Variants in RANBP17 observed in about 807,000 individuals in gnomAD.
RANBP17 encodes the protein RAN binding protein 17.
Under a neutral mutation model 141.2 loss-of-function variants are expected in RANBP17, and 158 were observed. That is an observed-to-expected ratio of 1.12 (90% CI 0.98 to 1.28). The LOEUF (loss-of-function observed/expected upper bound fraction) is 1.28, where lower values mean the gene tolerates loss of function less well. Ranked by LOEUF, RANBP17 falls within the 50% of genes most tolerant of loss-of-function variation. The pLI, the probability that RANBP17 is intolerant of heterozygous loss-of-function variation, is 0.00. For synonymous variants in RANBP17, 430 were observed against 450.0 expected (o/e 0.96, Z 0.56); for missense variants, 1,438 against 1,290.7 (o/e 1.11, Z -1.75).
chr5:171,095,429 A>G (rs993374600), intron 14 of RANBP17, among the ~76,000 whole-genome samples: 7 of 152,110 alleles, frequency 4.6e-5, no homozygotes, highest in East Asian at 1.9e-4. Context: ...AGTCTTTTCT[A>G]TTTTATTATC....
intron 5 of RANBP17, 60 bp from the exon 6 acceptor site, chr5:170,909,599 AGT>A: frequency 5.6e-6 from 1 of 178,514 alleles, no homozygotes; most frequent in South Asian, 1.9e-4. Flanking sequence ...TTTTTTTTTT[AGT>A]AAATTTTGGT....
chr5:170,922,373 A>G (rs1772537035), intron 11 of RANBP17, among the ~76,000 whole-genome samples: 2 of 152,192 alleles, frequency 1.3e-5, no homozygotes, highest in Non-Finnish European at 2.9e-5. Context: ...GAGCTGTCAG[A>G]CAGGGACGTT....
intron 22 of RANBP17, among the ~76,000 whole-genome samples, chr5:171,235,609 CAT>C (rs1338925813): frequency 6.6e-6 from 1 of 151,904 alleles, no homozygotes; most frequent in African/African-American, 2.4e-5. Context: ...CACACACACA[CAT>C]ATATTTTTTC....
At chr5:171,238,137 G>T (rs913783371) in intron 22 of RANBP17, among the ~76,000 whole-genome samples, 3 of 152,084 alleles carry the variant, frequency 2.0e-5, no homozygotes, top group Admixed American at 1.3e-4. Flanking sequence ...CTGTTGCAAG[G>T]TCAAAATAGT....
chr5:170,919,246 CTGGGT>C (rs1371525057), intron 10 of RANBP17, among the ~76,000 whole-genome samples, 190 bp from the exon 11 acceptor site: 1 of 151,764 alleles, frequency 6.6e-6, no homozygotes, highest in Non-Finnish European at 1.5e-5. Context: ...TAATGTTACT[CTGGGT>C]GGTAAAATAA....
At chr5:171,245,578 T>G (rs889477547) in intron 24 of RANBP17, among the ~76,000 whole-genome samples, 1 of 152,092 alleles carries the variant, frequency 6.6e-6, no homozygotes, top group Non-Finnish European at 1.5e-5. Flanking sequence ...CCTCCCAAAG[T>G]GCTGGGATTA....
chr5:171,281,553 AC>A (rs910360348), intron 25 of RANBP17, among the ~76,000 whole-genome samples: 6 of 152,148 alleles, frequency 3.9e-5, no homozygotes, highest in Non-Finnish European at 8.8e-5. Context: ...GGCCGCAGAG[AC>A]CACACTTGAT....
At chr5:171,114,444 G>A (rs1255964415) in intron 14 of RANBP17, among the ~76,000 whole-genome samples, 3 of 151,858 alleles carry the variant, frequency 2.0e-5, no homozygotes, top group African/African-American at 7.3e-5. Flanking sequence ...TGATTCTGGT[G>A]TACTTGAGTC....
intron 14 of RANBP17, chr5:170,968,732 T>C (rs1417494977): frequency 2.2e-6 from 1 of 457,522 alleles, no homozygotes; most frequent in East Asian, 6.9e-5. Flanking sequence ...TATTTATTTA[T>C]GTGGCTTCTA....
At chr5:170,938,119 G>GCAAACAA (rs1561910265) in intron 12 of RANBP17, among the ~76,000 whole-genome samples, 1 of 152,080 alleles carries the variant, frequency 6.6e-6, no homozygotes, top group Non-Finnish European at 1.5e-5. Context: ...GGGGTGGGAC[G>GCAAACAA]GGTCAAACAG....
intron 19 of RANBP17, 121 bp downstream of exon 19, chr5:171,199,894 G>C (rs1039647045): frequency 6.0e-6 from 3 of 497,750 alleles, no homozygotes; most frequent in Admixed American, 3.4e-5. Flanking sequence ...TTTCCCAATT[G>C]CATGTCTTTA....
intron 12 of RANBP17, among the ~76,000 whole-genome samples, chr5:170,943,008 A>G (rs974930638): frequency 3.3e-5 from 5 of 152,174 alleles, no homozygotes; most frequent in Non-Finnish European, 2.9e-5. Context: ...GTAAAATAAC[A>G]TTTCAGAGTC....
Position 171,065,564 on chromosome 5 carries a change from T to C in RANBP17, c.1710+97187T>C, listed in dbSNP as rs553777481. On this transcript the variant is annotated intron_variant, in intron 14 of 27. Transcript: ENST00000523189. ...CAGGCTATGGACTGGTACCAGTCCATGGCCCAGGGCTTTGGGATCCCTCCC... is the reference window on the plus strand; with the variant it reads ...CAGGCTATGGACTGGTACCAGTCCACGGCCCAGGGCTTTGGGATCCCTCCC... Among the ~76,000 whole-genome samples the C allele has an allele frequency of 2.8e-4, 43 of 152,180 alleles. No homozygotes were observed. The South Asian group carries it at 8.3e-3, about 29-fold the overall frequency.
chr5:171,083,726 G>A (rs2127713309), intron 14 of RANBP17, among the ~76,000 whole-genome samples: 1 of 152,284 alleles, frequency 6.6e-6, no homozygotes, highest in East Asian at 1.9e-4. Context: ...CCAGTGGGAG[G>A]TAAGTGAATC....
intron 25 of RANBP17, among the ~76,000 whole-genome samples, chr5:171,286,230 T>A (rs1398357598): frequency 2.0e-5 from 3 of 152,218 alleles, no homozygotes; most frequent in Non-Finnish European, 4.4e-5. Flanking sequence ...CAAAACCAGC[T>A]GAGTTTCCTG....
intron 25 of RANBP17, among the ~76,000 whole-genome samples, chr5:171,287,853 T>C (rs1768267618): frequency 6.6e-6 from 1 of 152,102 alleles, no homozygotes; most frequent in African/African-American, 2.4e-5. Context: ...GTTCATATCA[T>C]CACTTTAGCT....
intron 14 of RANBP17, among the ~76,000 whole-genome samples, chr5:171,012,748 G>T (rs1490826995): frequency 2.0e-5 from 3 of 151,992 alleles, no homozygotes; most frequent in Admixed American, 2.0e-4. Context: ...AGTTTTAATA[G>T]GTAGAAATAA....
intron 14 of RANBP17, among the ~76,000 whole-genome samples, chr5:171,077,889 C>G (rs1216532047): frequency 6.6e-6 from 1 of 152,128 alleles, no homozygotes; most frequent in African/African-American, 2.4e-5. Flanking sequence ...TAATCCAGAG[C>G]AAAATCCTAA....
intron 14 of RANBP17, among the ~76,000 whole-genome samples, chr5:171,118,490 T>C (rs1333763996): frequency 6.6e-6 from 1 of 152,176 alleles, no homozygotes; most frequent in Non-Finnish European, 1.5e-5. Context: ...TTGGGTACTA[T>C]TGTCAGTTTT....
Sources: allele counts gnomAD v4.1 joint callset (sites outside exome capture counted in the v4.1 genomes callset), GRCh38; gene constraint gnomAD v4.1.1; transcripts MANE v1.5; gene names NCBI Gene and HGNC (gene_info 2026-07-23, HGNC 2026-07-21).